WWOX: variants seen among roughly 807,000 people sequenced by gnomAD.
The protein encoded by WWOX is WW domain-containing oxidoreductase.
WWOX carries 69 observed loss-of-function variants against 46.2 expected under a neutral mutation model. The observed-to-expected ratio is 1.49, with a 90% CI of 1.23 to 1.82. The LOEUF is 1.82. Ranked by LOEUF, WWOX falls within the 40% of genes most tolerant of loss-of-function variation. The pLI is 0.00. For missense variants in WWOX, 919 were observed against 542.6 expected (o/e 1.69, Z -6.89); for synonymous variants, 359 against 202.6 (o/e 1.77, Z -6.56).
Position 78,677,047 on chromosome 16 carries a change from C to A in WWOX, c.1056+244295C>A, listed in dbSNP as rs192480276. ...GCAACAAAAGCAGTTTTTATGAATA[C>A]CTAGCGTACTTTTTTTTTTTAATGA... On this transcript the variant is annotated intron_variant, in intron 8 of 8. Coordinates refer to ENST00000566780, the MANE Select transcript of WWOX (RefSeq NM_016373.4). 7.9e-5 allele frequency among the ~76,000 whole-genome samples: 11 copies of A among 139,908 alleles called. 1 individual carries two copies. In the East Asian group the frequency reaches 2.3e-3, roughly 29 times the overall value. 91.8% of individuals were successfully genotyped at this position (139,908 alleles called of 152,430 possible).
In WWOX at chr16:78,961,378, G is replaced by A. The variant is rs551597281; in HGVS notation, c.1057-250230G>A. Among the ~76,000 whole-genome samples the A allele has an allele frequency of 4.6e-5, 7 of 152,310 alleles. No homozygotes were observed. The East Asian group carries it at 1.2e-3, about 25-fold the overall frequency. On this transcript the variant is annotated intron_variant, in intron 8 of 8. Coordinates refer to ENST00000566780, the MANE Select transcript of WWOX (RefSeq NM_016373.4). ...AACTTGGTCTTTGACCATCAAGGAG[G>A]TTGCAGTTTGTGGCATGGCACAAAG...
At chr16:78,692,473 C>G (rs769964676) in intron 8 of WWOX, among the ~76,000 whole-genome samples, 1 of 152,172 alleles carries the variant, frequency 6.6e-6, no homozygotes, top group Non-Finnish European at 1.5e-5. Context: ...TTCAAAGTGG[C>G]TCACACCTGG....
intron 8 of WWOX, among the ~76,000 whole-genome samples, chr16:79,142,705 T>C (rs1325164064): frequency 6.6e-6 from 1 of 152,148 alleles, no homozygotes. Context: ...TGTTTTTGTT[T>C]TGTTTCTTTT....
chr16:78,245,048 G>A (rs751375102), intron 5 of WWOX, among the ~76,000 whole-genome samples: 2 of 152,252 alleles, frequency 1.3e-5, no homozygotes, highest in Non-Finnish European at 1.5e-5. Flanking sequence ...ATATGTACTC[G>A]TGATGGATTT....
At chr16:78,288,671 C>CTAGA (rs548982791) in intron 5 of WWOX, among the ~76,000 whole-genome samples, 135 of 152,188 alleles carry the variant, frequency 8.9e-4, no homozygotes, top group African/African-American at 3.1e-3. Flanking sequence ...TTTTGCATCC[C>CTAGA]TAGACATCAT....
At chr16:78,272,680 C>T (rs1386230552) in intron 5 of WWOX, among the ~76,000 whole-genome samples, 1 of 152,146 alleles carries the variant, frequency 6.6e-6, no homozygotes, top group African/African-American at 2.4e-5. Flanking sequence ...TACCAAGCAC[C>T]TTGGATAGGC....
chr16:78,383,975 G>T (rs1291608090), intron 5 of WWOX, among the ~76,000 whole-genome samples: 1 of 152,170 alleles, frequency 6.6e-6, no homozygotes, highest in Admixed American at 6.5e-5. Flanking sequence ...TTGAAGGGAA[G>T]CAGGGGAACC....
At chr16:78,134,815 T>C (rs991131061) in intron 4 of WWOX, among the ~76,000 whole-genome samples, 3 of 152,352 alleles carry the variant, frequency 2.0e-5, no homozygotes, top group South Asian at 4.1e-4. Context: ...TTTTTCTCCA[T>C]GTTAGATGTG....
chr16:79,179,443 G>A (rs13338806), intron 8 of WWOX, among the ~76,000 whole-genome samples: 9,772 of 152,248 alleles, frequency 0.064, 1,055 homozygotes, highest in African/African-American at 0.22. Context: ...AACTAATGCA[G>A]TATGTGACGC....
At chr16:78,727,338 T>G (rs1968270) in intron 8 of WWOX, among the ~76,000 whole-genome samples, 99,494 of 152,056 alleles carry the variant, frequency 0.65, 34,462 homozygotes, top group African/African-American at 0.9. Context: ...GGCGGAGGTT[T>G]CAGTGAGCTG....
chr16:78,679,053 C>A (rs2047669048), intron 8 of WWOX, among the ~76,000 whole-genome samples: 2 of 152,198 alleles, frequency 1.3e-5, no homozygotes, highest in African/African-American at 4.8e-5. Context: ...AAGCCTGTTT[C>A]TAGAATCTCA....
At chr16:78,486,809 T>C (rs1208708713) in intron 8 of WWOX, among the ~76,000 whole-genome samples, 2 of 152,168 alleles carry the variant, frequency 1.3e-5, no homozygotes, top group East Asian at 3.9e-4. Flanking sequence ...CCTGACTTCG[T>C]GATCCACTCG....
At chr16:78,684,699 A>G (rs1354416967) in intron 8 of WWOX, among the ~76,000 whole-genome samples, 4 of 152,110 alleles carry the variant, frequency 2.6e-5, no homozygotes, top group African/African-American at 9.7e-5. Context: ...TTCCAGGTTA[A>G]TCTTGGTTTC....
intron 8 of WWOX, among the ~76,000 whole-genome samples, chr16:79,112,739 A>C (rs947767290): frequency 3.3e-5 from 5 of 152,342 alleles, no homozygotes; most frequent in East Asian, 3.9e-4. Flanking sequence ...ATAGAGTCGT[A>C]GAATTTTAGA....
intron 8 of WWOX, among the ~76,000 whole-genome samples, chr16:78,591,586 A>C (rs913522375): frequency 6.6e-6 from 1 of 152,216 alleles, no homozygotes; most frequent in African/African-American, 2.4e-5. Flanking sequence ...TTAGGTTACC[A>C]TCATTTATCT....
chr16:78,462,744 G>C (rs1003456758), intron 8 of WWOX, among the ~76,000 whole-genome samples: 1 of 152,216 alleles, frequency 6.6e-6, no homozygotes, highest in Admixed American at 6.5e-5. Context: ...TATAGTTACT[G>C]TCAGTTGTTG....
chr16:79,182,777 T>G (rs748445297), intron 8 of WWOX, among the ~76,000 whole-genome samples: 1 of 152,224 alleles, frequency 6.6e-6, no homozygotes, highest in Non-Finnish European at 1.5e-5. Context: ...AGTCACTATT[T>G]CTGAGACACT....
chr16:78,719,067 G>A (rs950993448), intron 8 of WWOX, among the ~76,000 whole-genome samples: 7 of 152,140 alleles, frequency 4.6e-5, no homozygotes, highest in African/African-American at 1.7e-4. Context: ...GAGCTAAAGG[G>A]TATTGGTGAA....
intron 8 of WWOX, among the ~76,000 whole-genome samples, chr16:78,652,122 A>G (rs1044383822): frequency 6.6e-6 from 1 of 151,936 alleles, no homozygotes; most frequent in Non-Finnish European, 1.5e-5. Context: ...CACTTAAAAG[A>G]TGTTTGGGGC....
Sources: allele counts gnomAD v4.1 joint callset (sites outside exome capture counted in the v4.1 genomes callset), GRCh38; gene constraint gnomAD v4.1.1; transcripts MANE v1.5; gene names NCBI Gene and HGNC (gene_info 2026-07-23, HGNC 2026-07-21).